SDK1: variants seen among roughly 807,000 people sequenced by gnomAD.
SDK1 encodes the protein sidekick cell adhesion molecule 1.
Under a neutral mutation model 245.5 loss-of-function variants are expected in SDK1, and 157 were observed. The observed-to-expected ratio is 0.64, with a 90% CI of 0.56 to 0.73. The LOEUF (loss-of-function observed/expected upper bound fraction) is 0.73, where lower values mean the gene tolerates loss of function less well. Ranked by LOEUF, SDK1 falls within the 30% of genes least tolerant of loss-of-function variation. The probability of loss-of-function intolerance (pLI) is 0.00; values close to 1 mark genes in which losing one functional copy is unlikely to be tolerated. For missense variants in SDK1, 3,583 were observed against 3,002.3 expected (o/e 1.19, Z -4.52); for synonymous variants, 1,647 against 1,278.5 (o/e 1.29, Z -6.15).
chr7:4,048,406 A>G (rs564926635), intron 17 of SDK1, among the ~76,000 whole-genome samples: 9 of 152,098 alleles, frequency 5.9e-5, no homozygotes, highest in African/African-American at 2.2e-4. Flanking sequence ...TGCCTTATGT[A>G]TGCGTCATCA....
chr7:3,332,212 T>G (rs984032984), intron 1 of SDK1, among the ~76,000 whole-genome samples: 1 of 152,224 alleles, frequency 6.6e-6, no homozygotes, highest in African/African-American at 2.4e-5. Context: ...AAAAATTTCT[T>G]TATTGAATTA....
chr7:3,544,971 A>C (rs1779170668), intron 1 of SDK1, among the ~76,000 whole-genome samples: 1 of 152,116 alleles, frequency 6.6e-6, no homozygotes, highest in South Asian at 2.1e-4. Context: ...TTGTACTGTA[A>C]CTGAGTCCCT....
chr7:4,062,228 A>T (rs1223901147), intron 19 of SDK1, among the ~76,000 whole-genome samples: 3 of 152,198 alleles, frequency 2.0e-5, no homozygotes, highest in Non-Finnish European at 2.9e-5. Context: ...CTTAAGAAGA[A>T]TAAAAGACAG....
chr7:4,249,158 A>G (rs1251874100), intron 44 of SDK1, among the ~76,000 whole-genome samples: 1 of 152,148 alleles, frequency 6.6e-6, no homozygotes, highest in Non-Finnish European at 1.5e-5. Flanking sequence ...AGGACATGGA[A>G]CCCACACTAA....
chr7:3,429,135 T>G (rs1231281039), intron 1 of SDK1, among the ~76,000 whole-genome samples: 1 of 152,190 alleles, frequency 6.6e-6, no homozygotes, highest in Non-Finnish European at 1.5e-5. Context: ...AAGGCTCAGT[T>G]TGGAGCATCT....
At chr7:3,997,816 C>T (rs976641438) in intron 14 of SDK1, among the ~76,000 whole-genome samples, 7 of 152,134 alleles carry the variant, frequency 4.6e-5, no homozygotes, top group African/African-American at 1.4e-4. Context: ...ACCGGAGACC[C>T]ACCTTCTTCT....
At chr7:3,716,708 A>C (rs1442276627) in intron 4 of SDK1, among the ~76,000 whole-genome samples, 1 of 151,212 alleles carries the variant, frequency 6.6e-6, no homozygotes, top group African/African-American at 2.4e-5. Context: ...GCAGTGAGCT[A>C]TTACGGCGCC....
chr7:4,220,158 G>A lies in SDK1; in HGVS notation c.5589G>A (p.Trp1863Ter). 1 of 1,614,074 alleles carries A rather than the reference G, an allele frequency of 6.2e-7. No individual in the cohort carries two copies. Among genetic ancestry groups the A allele is most frequent in the Non-Finnish European group, 8.5e-7 (1 of 1,179,998 alleles). ...TVEVRGNWQRWLKVRDLTKGV... is the reference protein window; with the variant it reads ...TVEVRGNWQR Reference sequence around the variant, plus strand: ...AAGTGAGAGGGAACTGGCAGCGCTGGCTGAAGGTGCGGGACCTCACCAAGG... The same window carrying A: ...AAGTGAGAGGGAACTGGCAGCGCTGACTGAAGGTGCGGGACCTCACCAAGG... Residue 1863 changes from tryptophan (W) to a stop codon, truncating the protein, a stop_gained, in exon 39 of 45, where the codon TGG (tryptophan) becomes TGA (stop). Transcript: ENST00000404826. LOFTEE classifies it high-confidence loss of function.
At chr7:3,679,921 T>G (rs6971337) in intron 4 of SDK1, among the ~76,000 whole-genome samples, 1 of 152,054 alleles carries the variant, frequency 6.6e-6, no homozygotes, top group African/African-American at 2.4e-5. Flanking sequence ...TCCACAGAAA[T>G]GAAGACCTGT....
rs779167712 is a variant in SDK1 at position 4,241,895 on chromosome 7, C to T, written c.6233C>T (p.Ser2078Phe). Residue 2078 changes from serine (S) to phenylalanine (F), a missense_variant, in exon 43 of 45, where the codon TCC becomes TTC. Coordinates refer to ENST00000404826, the MANE Select transcript of SDK1 (RefSeq NM_152744.4). ...CACCTCAATGTCAAGAGCACCTTCT[C>T]CAAGAAGAACGGGACCAGGTAGGCA... The part of the protein sequence containing the change: ...SRHLNVKSTF[S>F]KKNGTRSPPR... 4 of 1,613,760 alleles carry T rather than the reference C, an allele frequency of 2.5e-6. No homozygotes were observed. In the South Asian group the frequency reaches 4.4e-5, roughly 18 times the overall value.
At chr7:4,021,172 G>T (rs1786861758) in intron 17 of SDK1, among the ~76,000 whole-genome samples, 1 of 152,148 alleles carries the variant, frequency 6.6e-6, no homozygotes, top group Non-Finnish European at 1.5e-5. Context: ...TCATCCTTGG[G>T]GACCTGCAGT....
At chr7:3,823,493 GC>G (rs1779696895) in intron 5 of SDK1, among the ~76,000 whole-genome samples, 1 of 152,134 alleles carries the variant, frequency 6.6e-6, no homozygotes, top group Non-Finnish European at 1.5e-5. Context: ...CTCTGTAAGG[GC>G]CAGCAGAAAA....
chr7:3,873,899 A>G (rs1781014381), intron 5 of SDK1, among the ~76,000 whole-genome samples: 1 of 152,106 alleles, frequency 6.6e-6, no homozygotes, highest in Non-Finnish European at 1.5e-5. Flanking sequence ...GTTGTTTTAA[A>G]TTCTTTGTCT....
At chr7:3,795,664 A>G (rs1321011173) in intron 4 of SDK1, among the ~76,000 whole-genome samples, 1 of 152,076 alleles carries the variant, frequency 6.6e-6, no homozygotes, top group East Asian at 1.9e-4. Context: ...ACACTGATGT[A>G]TTAGAACCCA....
chr7:3,557,896 TG>T (rs1235878139), intron 1 of SDK1, among the ~76,000 whole-genome samples: 1 of 152,220 alleles, frequency 6.6e-6, no homozygotes, highest in Non-Finnish European at 1.5e-5. Context: ...TAGTTTTACA[TG>T]ATCACATGTA....
At chr7:3,576,004 G>T (rs1033759614) in intron 1 of SDK1, among the ~76,000 whole-genome samples, 7 of 151,956 alleles carry the variant, frequency 4.6e-5, no homozygotes, top group African/African-American at 1.4e-4. Flanking sequence ...AAATATGTTT[G>T]TTTACCTGGA....
chr7:4,126,691 G>T (rs964955816), intron 25 of SDK1, among the ~76,000 whole-genome samples: 1 of 152,260 alleles, frequency 6.6e-6, no homozygotes, highest in Non-Finnish European at 1.5e-5. Flanking sequence ...CTGCTCTCCA[G>T]TCTGAAATAA....
intron 1 of SDK1, among the ~76,000 whole-genome samples, chr7:3,416,412 G>A (rs1482518086): frequency 1.3e-5 from 2 of 151,770 alleles, no homozygotes; most frequent in African/African-American, 4.8e-5. Context: ...GAAAGCTCGG[G>A]GCTTGACATT....
chr7:3,930,980 T>A (rs1239085017), intron 5 of SDK1, among the ~76,000 whole-genome samples: 1 of 152,236 alleles, frequency 6.6e-6, no homozygotes, highest in Non-Finnish European at 1.5e-5. Flanking sequence ...TTTTTGCACA[T>A]CTTGCTGAAT....
Sources: allele counts gnomAD v4.1 joint callset (sites outside exome capture counted in the v4.1 genomes callset), GRCh38; gene constraint gnomAD v4.1.1; transcripts MANE v1.5; gene names NCBI Gene and HGNC (gene_info 2026-07-23, HGNC 2026-07-21).